The following LINS1 variants were observed in gnomAD, a reference collection of about 807,000 sequenced individuals.
LINS1 encodes lines homolog 1.
LINS1 carries 27 observed loss-of-function variants against 41.6 expected under a neutral mutation model. That is an observed-to-expected ratio of 0.65 (90% CI 0.48 to 0.89). The LOEUF is 0.89. Among genes scored for constraint, LINS1 ranks in the 40% least tolerant of loss-of-function variants. LINS1 has a pLI of 0.00. For synonymous variants in LINS1, 336 were observed against 312.9 expected, an observed-to-expected ratio of 1.07 and a Z score of -0.78; for missense variants, 955 against 884.1, an observed-to-expected ratio of 1.08 and a Z score of -1.02.
intron 1 of LINS1, among the ~76,000 whole-genome samples, chr15:100,599,131 A>T (rs1336678898): frequency 6.6e-6 from 1 of 152,240 alleles, no homozygotes; most frequent in Non-Finnish European, 1.5e-5. Flanking sequence ...AAGCTTCATG[A>T]ATACTTATCC....
At chr15:100,579,464 A>C (rs2038397615) in intron 3 of LINS1, among the ~76,000 whole-genome samples, 1 of 150,816 alleles carries the variant, frequency 6.6e-6, no homozygotes, top group Admixed American at 6.6e-5. Flanking sequence ...AAATTATGAC[A>C]GTAAAGAAAA....
Position 100,569,674 on chromosome 15 carries a change from C to T in LINS1, c.1838G>A (p.Cys613Tyr), listed in dbSNP as rs1180019315. 1.2e-6 allele frequency: 2 copies of T among 1,613,770 alleles called. No homozygotes were observed. The highest frequency in any genetic ancestry group is 1.7e-6 in the Non-Finnish European group (2 of 1,179,802). The change falls in exon 7 of 7, where the codon TGT becomes TAT. Residue 613 changes from cysteine to tyrosine, a missense_variant. Coordinates refer to ENST00000314742, the MANE Select transcript of LINS1 (RefSeq NM_001040616.3). ...CCGGGGGGAAGACAGACTAGAAGCA[C>T]ACATGGTGTGAGCCCCCTTGGACAT... ...AVMSKGAHTM[C>Y]ASSLSSPRAS... is the part of the protein sequence containing the mutation.
At chr15:100,580,196 C>T (rs533586856) in intron 3 of LINS1, 67 bp downstream of exon 3, 1 of 1,259,564 alleles carries the variant, frequency 7.9e-7, no homozygotes, top group Admixed American at 2.0e-5. Context: ...CTTGTCTCCA[C>T]AAAACATTTA....
chr15:100,570,206 C>T, intron 6 of LINS1, 89 bp from the exon 7 acceptor site: 1 of 1,070,076 alleles, frequency 9.3e-7, no homozygotes, highest in Non-Finnish European at 1.3e-6. Flanking sequence ...CATAAATTAA[C>T]CTATTAGATT....
chr15:100,595,746 T>C (rs1480550777), intron 1 of LINS1, among the ~76,000 whole-genome samples: 2 of 152,194 alleles, frequency 1.3e-5, no homozygotes, highest in Admixed American at 6.5e-5. Context: ...GGAAAGTCAA[T>C]AGTAGGCCTT....
At chr15:100,589,490 A>T (rs1045436277) in intron 1 of LINS1, among the ~76,000 whole-genome samples, 1 of 152,236 alleles carries the variant, frequency 6.6e-6, no homozygotes, top group Non-Finnish European at 1.5e-5. Flanking sequence ...AACAACTGGT[A>T]TTCAAGAGGA....
intron 1 of LINS1, among the ~76,000 whole-genome samples, chr15:100,582,909 T>C (rs1052918713): frequency 1.3e-5 from 2 of 150,404 alleles, no homozygotes; most frequent in African/African-American, 2.5e-5. Flanking sequence ...GTCTTGGTCT[T>C]ATACTGGGTC....
chr15:100,574,840 T>C (rs1181676467), intron 4 of LINS1, 147 bp downstream of exon 4: 2 of 825,944 alleles, frequency 2.4e-6, no homozygotes, highest in Admixed American at 2.5e-5. Flanking sequence ...AAACAGGTTA[T>C]CCTCAATCAA....
chr15:100,581,861 A>G (rs2038559887), intron 1 of LINS1, among the ~76,000 whole-genome samples: 1 of 152,184 alleles, frequency 6.6e-6, no homozygotes, highest in Non-Finnish European at 1.5e-5. Context: ...CCTTCACCCT[A>G]CATAGTTCAT....
intron 1 of LINS1, among the ~76,000 whole-genome samples, chr15:100,582,474 G>A (rs2038595502): frequency 7.6e-6 from 1 of 131,628 alleles, no homozygotes; most frequent in Admixed American, 8.1e-5. Flanking sequence ...GCCTAGTCTT[G>A]GTCTTACATT....
chr15:100,585,946 A>T (rs984508830), intron 1 of LINS1, among the ~76,000 whole-genome samples: 2 of 152,220 alleles, frequency 1.3e-5, no homozygotes, highest in Non-Finnish European at 2.9e-5. Flanking sequence ...GGCATAGAAG[A>T]TTATTAAACT....
At chr15:100,592,562 C>T (rs1027509582) in intron 1 of LINS1, among the ~76,000 whole-genome samples, 3 of 149,494 alleles carry the variant, frequency 2.0e-5, no homozygotes, top group African/African-American at 7.4e-5. Flanking sequence ...ATTAACATAA[C>T]CTGGGGTGTG....
At chr15:100,573,496 T>A in intron 5 of LINS1, 155 bp downstream of exon 5, 1 of 239,956 alleles carries the variant, frequency 4.2e-6, no homozygotes, top group Non-Finnish European at 6.6e-6. Flanking sequence ...AATCCAGTTC[T>A]TTTTTTTTTT....
At position 100,599,494 on chromosome 15, in the gene LINS1, G is replaced by C. The variant is rs555858199; in HGVS notation, c.-104+2627C>G. On this transcript the variant is annotated intron_variant, in intron 1 of 6. Transcript: ENST00000314742. The stretch of plus-strand genomic sequence containing the variant: ...AAAAACAAATGGCCAGAAATACAAA[G>C]AACTAGGAATTAGGAGACAACTCTG... 1.1e-4 allele frequency among the ~76,000 whole-genome samples: 17 copies of C among 152,248 alleles called. 1 individual carries two copies. In the South Asian group the frequency reaches 3.3e-3, roughly 30 times the overall value.
chr15:100,574,975 T>G lies in LINS1; in HGVS notation c.631+12A>C. The G allele has an allele frequency of 1.2e-6, 2 of 1,611,544 alleles. No individual in the cohort carries two copies. The highest frequency in any genetic ancestry group is 1.7e-6 in the Non-Finnish European group (2 of 1,178,942). ...AAGATGATGATTGTTTATGGGGCCA[T>G]GTAATCCATACCTGTTTTCTGTGAA... is the stretch of plus-strand genomic sequence containing the variant. On this transcript the variant is annotated intron_variant, in intron 4 of 6. Transcript: ENST00000314742.
chr15:100,572,538 G>A (rs888245870), intron 5 of LINS1: 10 of 982,256 alleles, frequency 1.0e-5, no homozygotes, highest in East Asian at 2.0e-4. Flanking sequence ...AATAAAAAAC[G>A]TTTTAGGTAG....
At chr15:100,597,204 G>C (rs899331860) in intron 1 of LINS1, among the ~76,000 whole-genome samples, 2 of 151,804 alleles carry the variant, frequency 1.3e-5, no homozygotes, top group African/African-American at 4.8e-5. Flanking sequence ...AACCTGACCT[G>C]GCCTACTGGC....
In LINS1 at chr15:100,574,969, G is replaced by C; in HGVS notation, c.631+18C>G. On this transcript the variant is annotated intron_variant, in intron 4 of 6. Coordinates refer to ENST00000314742, the MANE Select transcript of LINS1 (RefSeq NM_001040616.3). ...AGGAGCAAGATGATGATTGTTTATG[G>C]GGCCATGTAATCCATACCTGTTTTC... 1 of 1,610,200 alleles carries C rather than the reference G, an allele frequency of 6.2e-7. No individual in the cohort carries two copies. The highest frequency in any genetic ancestry group is 1.1e-5 in the South Asian group (1 of 90,912).
At chr15:100,580,420 T>C (rs1041245621) in intron 2 of LINS1, 24 bp downstream of exon 2, 3 of 1,610,142 alleles carry the variant, frequency 1.9e-6, no homozygotes, top group South Asian at 1.1e-5. Context: ...AATATCTACA[T>C]CTTTAGAAAA....
Sources: gnomAD v4.1 joint callset for allele counts (sites outside exome capture counted in the v4.1 genomes callset) on GRCh38, gnomAD v4.1.1 for gene constraint, MANE v1.5 for transcripts, NCBI Gene and HGNC (gene_info 2026-07-23, HGNC 2026-07-21) for gene names.